LIPK: variants seen among roughly 807,000 people sequenced by gnomAD.
The protein encoded by LIPK is lipase family member K.
In LIPK, 32 loss-of-function variants were observed where a neutral mutation model predicts 48.6. That is an observed-to-expected ratio of 0.66 (90% CI 0.50 to 0.88). LIPK has a LOEUF of 0.88. Among genes scored for constraint, LIPK ranks in the 40% least tolerant of loss-of-function variants. LIPK has a pLI of 0.00. For missense variants in LIPK, 507 were observed against 478.5 expected, an observed-to-expected ratio of 1.06 and a Z score of -0.56; for synonymous variants, 164 against 157.4, an observed-to-expected ratio of 1.04 and a Z score of -0.32.
chr10:88,721,318 T>C (rs1842221823), intron 1 of LIPK, among the ~76,000 whole-genome samples: 1 of 152,140 alleles, frequency 6.6e-6, no homozygotes, highest in African/African-American at 2.4e-5. Context: ...GGTTCCTGAA[T>C]CAAGCACCCT....
intron 9 of LIPK, among the ~76,000 whole-genome samples, chr10:88,751,030 T>C (rs905340002): frequency 4.6e-5 from 7 of 152,226 alleles, no homozygotes; most frequent in Non-Finnish European, 1.0e-4. Flanking sequence ...CTAGCCACTT[T>C]TTAAATACCA....
At chr10:88,737,899 A>G in intron 7 of LIPK, 118 bp downstream of exon 7, 1 of 1,041,012 alleles carries the variant, frequency 9.6e-7, no homozygotes, top group South Asian at 1.5e-5. Context: ...TTTGGAATGT[A>G]ATTAGTACAT....
intron 6 of LIPK, among the ~76,000 whole-genome samples, chr10:88,734,911 A>T (rs1842541092): frequency 6.6e-6 from 1 of 152,180 alleles, no homozygotes. Context: ...GCTCGCAGGC[A>T]TGCTTGGTGA....
At chr10:88,728,621 C>T (rs867718591) in intron 3 of LIPK, 9 of 487,190 alleles carry the variant, frequency 1.8e-5, no homozygotes, top group Middle Eastern at 7.3e-4. Flanking sequence ...TGGCCTTGGG[C>T]ATCGAGAGCG....
At chr10:88,745,305 CA>C (rs1842747892) in intron 9 of LIPK, among the ~76,000 whole-genome samples, 1 of 152,022 alleles carries the variant, frequency 6.6e-6, no homozygotes, top group Non-Finnish European at 1.5e-5. Context: ...GTATATAAGA[CA>C]ACCATCCCCA....
intron 9 of LIPK, among the ~76,000 whole-genome samples, chr10:88,747,368 G>A (rs568048156): frequency 1.3e-5 from 2 of 152,230 alleles, no homozygotes; most frequent in South Asian, 4.1e-4. Flanking sequence ...AAAATTCTCA[G>A]TGAAATACTA....
chr10:88,715,865 C>T (rs919517311), intron 1 of LIPK, among the ~76,000 whole-genome samples: 2 of 151,794 alleles, frequency 1.3e-5, no homozygotes, highest in Non-Finnish European at 2.9e-5. Flanking sequence ...TATTAGCATT[C>T]TGTCATGATT....
intron 8 of LIPK, among the ~76,000 whole-genome samples, chr10:88,740,560 C>T (rs1047391072): frequency 1.3e-5 from 2 of 152,178 alleles, no homozygotes; most frequent in African/African-American, 4.8e-5. Flanking sequence ...TTTTATTACT[C>T]AATATACAGA....
chr10:88,746,209 G>A (rs534346085), intron 9 of LIPK, among the ~76,000 whole-genome samples: 80 of 152,230 alleles, frequency 5.3e-4, no homozygotes, highest in African/African-American at 1.7e-3. Flanking sequence ...GACAGTACTA[G>A]ACAGATCTTT....
chr10:88,737,489 G>T (rs1409883484), intron 6 of LIPK, 146 bp from the exon 7 acceptor site: 7 of 775,322 alleles, frequency 9.0e-6, no homozygotes, highest in African/African-American at 1.7e-5. Flanking sequence ...GGATTACAAA[G>T]CTAATAACAA....
At chr10:88,726,085 C>CT (rs1042225644) in intron 2 of LIPK, among the ~76,000 whole-genome samples, 2 of 151,816 alleles carry the variant, frequency 1.3e-5, no homozygotes, top group African/African-American at 4.8e-5. Context: ...CTGCTTCCTC[C>CT]CCTCTTCTTT....
intron 6 of LIPK, 99 bp from the exon 7 acceptor site, chr10:88,737,536 T>C (rs41284086): frequency 4.8e-4 from 577 of 1,212,378 alleles, no homozygotes; most frequent in Non-Finnish European, 6.2e-4. Context: ...ACTGAGCAGA[T>C]GTCACCTAAT....
At chr10:88,746,114 C>G (rs992733779) in intron 9 of LIPK, among the ~76,000 whole-genome samples, 31 of 151,948 alleles carry the variant, frequency 2.0e-4, no homozygotes, top group Admixed American at 2.0e-3. Flanking sequence ...ACAGGAGCAC[C>G]CAGATTCATA....
At chr10:88,710,480 A>G (rs1469011329) in intron 1 of LIPK, among the ~76,000 whole-genome samples, 1 of 152,196 alleles carries the variant, frequency 6.6e-6, no homozygotes, top group Non-Finnish European at 1.5e-5. Context: ...AGTTTGATGA[A>G]TCTTAGCAAT....
chr10:88,728,497 T>C lies in LIPK; in HGVS notation c.223+1585T>C, dbSNP rs117830066. ...AGAGAACGCAGAGCAGCGTGGGGAG[T>C]CCGCCATTAAGGACTCAACGCTGAG... is the stretch of plus-strand genomic sequence containing the variant. On this transcript the variant is annotated intron_variant, in intron 3 of 9. Transcript: ENST00000404190. 4.5e-3 allele frequency: 1,061 copies of C among 235,194 alleles called. 3 individuals carry two copies. Among genetic ancestry groups the C allele is most frequent in the Middle Eastern group, 0.018 (10 of 562 alleles). The allele number at this position is 235,194 out of a possible 1,614,324, so 14.6% of individuals were successfully genotyped here.
At chr10:88,751,178 A>G (rs1028153262) in intron 9 of LIPK, among the ~76,000 whole-genome samples, 1 of 151,992 alleles carries the variant, frequency 6.6e-6, no homozygotes, top group Non-Finnish European at 1.5e-5. Flanking sequence ...CAGATCTACG[A>G]AAACTTTTAG....
At chr10:88,708,100 G>T (rs1399267441) in intron 1 of LIPK, among the ~76,000 whole-genome samples, 1 of 152,074 alleles carries the variant, frequency 6.6e-6, no homozygotes, top group Non-Finnish European at 1.5e-5. Flanking sequence ...TGGCTGCCAA[G>T]AATCTTTTAA....
intron 7 of LIPK, among the ~76,000 whole-genome samples, chr10:88,738,110 AC>A (rs1454605077): frequency 1.3e-5 from 2 of 152,210 alleles, no homozygotes; most frequent in African/African-American, 4.8e-5. Context: ...GTGAGTCCAG[AC>A]ATTTGCATTT....
intron 9 of LIPK, 84 bp from the exon 10 acceptor site, chr10:88,752,433 C>A: frequency 1.0e-6 from 1 of 964,606 alleles, no homozygotes; most frequent in Admixed American, 2.4e-5. Context: ...ATTTAAAGAA[C>A]TTGCTCAACA....
Sources: allele counts gnomAD v4.1 joint callset (sites outside exome capture counted in the v4.1 genomes callset), GRCh38; gene constraint gnomAD v4.1.1; transcripts MANE v1.5; gene names NCBI Gene and HGNC (gene_info 2026-07-23, HGNC 2026-07-21).